Variants in RYR1 observed in about 807,000 individuals in gnomAD.
RYR1 encodes central core disease of muscle.
RYR1 carries 342 observed loss-of-function variants against 583.5 expected under a neutral mutation model. The observed-to-expected ratio is 0.59, with a 90% CI of 0.54 to 0.64. The LOEUF (loss-of-function observed/expected upper bound fraction) is 0.64. RYR1 is among the 30% of genes least tolerant of loss of function. RYR1 has a pLI of 0.00. For synonymous variants in RYR1, 2,791 were observed against 2,822.5 expected (o/e 0.99, Z 0.35); for missense variants, 6,032 against 6,917.2 (o/e 0.87, Z 4.54).
chr19:38,482,375 GT>G (rs1969052508), intron 31 of RYR1, among the ~76,000 whole-genome samples: 2 of 152,142 alleles, frequency 1.3e-5, no homozygotes, highest in Non-Finnish European at 2.9e-5. Context: ...AGACAATGTT[GT>G]TTGTGGAGGC....
In RYR1 at chr19:38,543,092, T is replaced by A. The variant is rs1972270040; in HGVS notation, c.11690-255T>A. Among the ~76,000 whole-genome samples, 1 of 152,188 alleles carries A rather than the reference T, an allele frequency of 6.6e-6. No individual in the cohort carries two copies. Among genetic ancestry groups the A allele is most frequent in the African/African-American group, 2.4e-5 (1 of 41,452 alleles). On this transcript the variant is annotated intron_variant, in intron 84 of 105. Transcript: ENST00000359596. This position sits in a 1 kb window ranked among gnomAD's most constrained non-coding sequence, Gnocchi z 4.4. ...CCTGACCTCAGGTGATCTGCCTGCC[T>A]GGGCCTCCCAAAGTGCTGGAATTAC...
Position 38,535,319 on chromosome 19 carries a change from A to G in RYR1, c.11443A>G (p.Met3815Val), listed in dbSNP as rs368909156. 6.2e-7 allele frequency: 1 copy of G among 1,614,196 alleles called. No individual in the cohort carries two copies. Among genetic ancestry groups the G allele is most frequent in the Non-Finnish European group, 8.5e-7 (1 of 1,180,028 alleles). ...NGGNAEVQQK[M>V]LDYLKDKKEV... Reference sequence around the variant, plus strand: ...TCCCCTGCCTCGCCCTCTGCAGAAAATGCTGGATTATCTTAAGGACAAGAA... The same window carrying G: ...TCCCCTGCCTCGCCCTCTGCAGAAAGTGCTGGATTATCTTAAGGACAAGAA... The change falls in exon 81 of 106, where the codon ATG becomes GTG. Residue 3815 changes from methionine (M) to valine (V), a missense_variant. Met to Val is a conservative substitution (Grantham distance 21). Around this residue, in one of 11 missense-constraint regions of RYR1, gnomAD observed 1,493 missense variants for 1,715.5 expected, o/e 0.87. Coordinates refer to ENST00000359596, the MANE Select transcript of RYR1 (RefSeq NM_000540.3).
At chr19:38,507,657 G>A in intron 57 of RYR1, 55 bp from the exon 58 acceptor site, 1 of 1,141,246 alleles carries the variant, frequency 8.8e-7, no homozygotes, top group East Asian at 2.3e-5. Flanking sequence ...TGAGAAGGGT[G>A]GGAAACTGTA....
In RYR1 at chr19:38,561,589, A is replaced by G. The variant is rs952488149; in HGVS notation, c.12624+135A>G. The G allele has an allele frequency of 1.2e-6, 1 of 841,180 alleles. No homozygotes were observed. The highest frequency in any genetic ancestry group is 1.7e-5 in the African/African-American group (1 of 58,926). 52.1% of individuals were successfully genotyped at this position (841,180 alleles called of 1,614,324 possible). A position where few individuals can be genotyped will look rare whatever the true frequency, so the allele number is the denominator to read the frequency against. On this transcript the variant is annotated intron_variant, in intron 90 of 105. Transcript: ENST00000359596. The surrounding 1 kb of genome is among the most constrained non-coding windows in gnomAD (Gnocchi z 4.8). The stretch of plus-strand genomic sequence containing the variant: ...GCCCTGCTCCGGCAAGCCCACGCCC[A>G]CCCTTTTGTACACATTTCGTCCAGC...
chr19:38,468,930 C>T lies in RYR1; in HGVS notation c.3382-36C>T, dbSNP rs760652802. The T allele has an allele frequency of 3.1e-6, 5 of 1,608,532 alleles. No homozygotes were observed. In the African/African-American group the frequency reaches 4.0e-5, roughly 13 times the overall value. Reference sequence around the variant, plus strand: ...CTTATCTCTCCATTTCTCTGTGTGTCTCCCCACACCATGTCTTCTCTGGCT... The same window carrying T: ...CTTATCTCTCCATTTCTCTGTGTGTTTCCCCACACCATGTCTTCTCTGGCT... On this transcript the variant is annotated intron_variant, in intron 25 of 105. Coordinates refer to ENST00000359596, the MANE Select transcript of RYR1 (RefSeq NM_000540.3).
intron 2 of RYR1, among the ~76,000 whole-genome samples, chr19:38,441,355 C>A (rs1477992050): frequency 1.4e-5 from 2 of 142,792 alleles, no homozygotes; most frequent in Admixed American, 7.6e-5. Flanking sequence ...TTTCAGGTAA[C>A]AAGACTGAAT....
chr19:38,504,846 G>A lies in RYR1; in HGVS notation c.8166G>A (p.Lys2722=), dbSNP rs769912598. The A allele has an allele frequency of 5.6e-6, 9 of 1,614,144 alleles. No homozygotes were observed. Among genetic ancestry groups the A allele is most frequent in the Non-Finnish European group, 7.6e-6 (9 of 1,180,020 alleles). The change falls in exon 51 of 106, where the codon AAG becomes AAA. Residue 2722 remains lysine (K), a synonymous_variant. Coordinates refer to ENST00000359596, the MANE Select transcript of RYR1 (RefSeq NM_000540.3). ...PDYVDASYSS[K]AEKKATVDAE... ...ATGTGGATGCCTCATACTCATCTAA[G>A]GCAGAGAAAAAGGCCACAGTGGATG...
Position 38,485,938 on chromosome 19 carries a change from C to T in RYR1, c.5283C>T (p.Gly1761=), listed in dbSNP as rs751178441. 10 of 1,613,596 alleles carry T rather than the reference C, an allele frequency of 6.2e-6. No individual in the cohort carries two copies. Among genetic ancestry groups the T allele is most frequent in the Middle Eastern group, 1.6e-4 (1 of 6,084 alleles). ...RSTENGHPRH[G]LPGVGVTTSL... ...CAGAAAATGGTCACCCCCGGCATGG[C>T]CTGCCGGGAGTTGGAGTCACCACTT... The change falls in exon 34 of 106, where the codon GGC becomes GGT. Residue 1761 remains glycine, a synonymous_variant. Transcript: ENST00000359596.
intron 66 of RYR1, among the ~76,000 whole-genome samples, chr19:38,518,668 C>T (rs1488116699): frequency 6.6e-6 from 1 of 152,040 alleles, no homozygotes; most frequent in East Asian, 1.9e-4. Context: ...GTGGCTCACG[C>T]CTGTAATCCC....
At chr19:38,519,621 C>T (rs967388139) in intron 67 of RYR1, among the ~76,000 whole-genome samples, 167 bp downstream of exon 67, 1 of 152,158 alleles carries the variant, frequency 6.6e-6, no homozygotes, top group Non-Finnish European at 1.5e-5. Context: ...CACATTGGTC[C>T]AACGACAGCC....
intron 1 of RYR1, among the ~76,000 whole-genome samples, chr19:38,438,542 C>G (rs1296274345): frequency 6.6e-6 from 1 of 151,484 alleles, no homozygotes; most frequent in African/African-American, 2.4e-5. Flanking sequence ...GAACATACCA[C>G]CATGCTCGGC....
In RYR1 at chr19:38,433,764, CGCCCAG is replaced by C; in HGVS notation, c.-65_-60del. 5.1e-6 allele frequency: 4 copies of C among 790,118 alleles called. No individual in the cohort carries two copies. The highest frequency in any genetic ancestry group is 1.3e-5 in the South Asian group (1 of 74,132). The allele number at this position is 790,118 out of a possible 1,614,324, so 48.9% of individuals were successfully genotyped here. A position where few individuals can be genotyped will look rare whatever the true frequency, so the allele number is the denominator to read the frequency against. On this transcript the variant is annotated 5_prime_UTR_variant, in exon 1 of 106. Coordinates refer to ENST00000359596, the MANE Select transcript of RYR1 (RefSeq NM_000540.3). ...GACCCCAGCCCGCCCCCAGCCCTCCCGCCCAGCCCGCAGCCCCCTCCCTCTGTTCCC... is the reference window on the plus strand; with the variant it reads ...GACCCCAGCCCGCCCCCAGCCCTCCCCCCGCAGCCCCCTCCCTCTGTTCCC...
chr19:38,577,042 C>G (rs536652884), intron 97 of RYR1, among the ~76,000 whole-genome samples: 1 of 152,064 alleles, frequency 6.6e-6, no homozygotes, highest in Admixed American at 6.6e-5. Context: ...CCCACCACCA[C>G]GTCTGGCTAA....
chr19:38,573,095 A>G, intron 95 of RYR1, 82 bp from the exon 96 acceptor site: 1 of 1,601,028 alleles, frequency 6.2e-7, no homozygotes. Flanking sequence ...CACAGACCCC[A>G]GCAAGATGTC....
intron 67 of RYR1, among the ~76,000 whole-genome samples, chr19:38,520,046 G>T (rs531465510): frequency 6.8e-6 from 1 of 147,492 alleles, no homozygotes; most frequent in African/African-American, 2.5e-5. Flanking sequence ...TTGTCACTAT[G>T]CACAACACCG....
chr19:38,578,209 G>T lies in RYR1; in HGVS notation c.14364+5G>T, dbSNP rs774890225. 1 of 1,613,332 alleles carries T rather than the reference G, an allele frequency of 6.2e-7. No individual in the cohort carries two copies. The highest frequency in any genetic ancestry group is 1.3e-5 in the African/African-American group (1 of 75,014). On this transcript the variant is annotated splice_donor_5th_base_variant and intron_variant, in intron 99 of 105. Coordinates refer to ENST00000359596, the MANE Select transcript of RYR1 (RefSeq NM_000540.3). Reference sequence around the variant, plus strand: ...GGGGTCATCTTCACAGACAACGTGAGCAGGGGCCCACAGACTGGGGAGGGA... The same window carrying T: ...GGGGTCATCTTCACAGACAACGTGATCAGGGGCCCACAGACTGGGGAGGGA...
At chr19:38,477,987 G>C (rs1968823183) in intron 30 of RYR1, 117 bp downstream of exon 30, 1 of 1,084,624 alleles carries the variant, frequency 9.2e-7, no homozygotes, top group African/African-American at 1.6e-5. Flanking sequence ...TTCTGGAGCG[G>C]GAGGATTCTC....
intron 101 of RYR1, among the ~76,000 whole-genome samples, chr19:38,583,535 C>T (rs1220701110): frequency 1.3e-5 from 2 of 151,636 alleles, no homozygotes; most frequent in African/African-American, 4.8e-5. Flanking sequence ...ACCATGCTCC[C>T]TCCCCACCCC....
intron 31 of RYR1, among the ~76,000 whole-genome samples, chr19:38,482,457 A>AT (rs1969057618): frequency 6.6e-6 from 1 of 151,892 alleles, no homozygotes; most frequent in Non-Finnish European, 1.5e-5. Flanking sequence ...ACTTCCTGGA[A>AT]TTTTTTGTTT....
Sources: allele counts gnomAD v4.1 joint callset (sites outside exome capture counted in the v4.1 genomes callset), GRCh38; gene constraint gnomAD v4.1.1; regional missense constraint gnomAD v4.1.1; non-coding constraint Gnocchi (gnomAD v3.1); transcripts MANE v1.5; gene names NCBI Gene and HGNC (gene_info 2026-07-23, HGNC 2026-07-21).